The following GPM6A variants were observed in gnomAD, a reference collection of about 807,000 sequenced individuals.
GPM6A encodes the protein glycoprotein M6A, also known as neuronal membrane glycoprotein M6-a.
GPM6A carries 7 observed loss-of-function variants against 32.1 expected under a neutral mutation model. The ratio of observed to expected loss-of-function variants is 0.22; its 90% CI spans 0.12 to 0.41. The LOEUF (loss-of-function observed/expected upper bound fraction) is 0.41, where lower values mean the gene tolerates loss of function less well. GPM6A is among the 10% of genes least tolerant of loss of function. The pLI is 1.00. For missense variants in GPM6A, 235 were observed against 347.2 expected (o/e 0.68, Z 2.57); for synonymous variants, 130 against 123.4 (o/e 1.05, Z -0.35).
intron 1 of GPM6A, among the ~76,000 whole-genome samples, chr4:175,973,923 A>C (rs918868411): frequency 6.6e-6 from 1 of 152,080 alleles, no homozygotes; most frequent in Non-Finnish European, 1.5e-5. Context: ...TTTTGGTTTA[A>C]TAATAATTTG....
At chr4:175,647,606 G>C (rs1034302569) in intron 4 of GPM6A, among the ~76,000 whole-genome samples, 1 of 152,080 alleles carries the variant, frequency 6.6e-6, no homozygotes, top group African/African-American at 2.4e-5. Context: ...GGCCATTATA[G>C]GCTGAGAGTT....
chr4:175,763,361 T>C (rs1018283235), intron 1 of GPM6A, among the ~76,000 whole-genome samples: 1 of 152,168 alleles, frequency 6.6e-6, no homozygotes, highest in East Asian at 1.9e-4. Flanking sequence ...TGAACATCAA[T>C]GAACTCATAA....
At chr4:175,741,060 C>T (rs1024603874) in intron 1 of GPM6A, among the ~76,000 whole-genome samples, 3 of 151,992 alleles carry the variant, frequency 2.0e-5, no homozygotes, top group Non-Finnish European at 4.4e-5. Context: ...TAGATTGTCT[C>T]CTAAGAATCA....
intron 1 of GPM6A, among the ~76,000 whole-genome samples, chr4:175,902,370 A>G (rs1737994848): frequency 6.6e-6 from 1 of 152,218 alleles, no homozygotes; most frequent in South Asian, 2.1e-4. Flanking sequence ...TTCCTAAAAA[A>G]GAGCAGCCTG....
At chr4:175,673,557 A>C (rs1169018846) in intron 3 of GPM6A, 123 bp downstream of exon 3, 1 of 588,060 alleles carries the variant, frequency 1.7e-6, no homozygotes. Context: ...TTAAGATAGC[A>C]TCACAGAAGG....
At chr4:175,887,819 C>T (rs918794573) in intron 1 of GPM6A, among the ~76,000 whole-genome samples, 1 of 151,764 alleles carries the variant, frequency 6.6e-6, no homozygotes, top group African/African-American at 2.4e-5. Context: ...GCCTGAACTG[C>T]ATAATAATAA....
At chr4:175,833,102 T>C (rs1377669605) in intron 1 of GPM6A, among the ~76,000 whole-genome samples, 1 of 152,202 alleles carries the variant, frequency 6.6e-6, no homozygotes, top group Admixed American at 6.5e-5. Context: ...TAAGATTGCT[T>C]TCTCAGAATA....
chr4:175,984,205 C>T (rs1393979529), intron 1 of GPM6A, among the ~76,000 whole-genome samples: 2 of 152,094 alleles, frequency 1.3e-5, no homozygotes, highest in African/African-American at 2.4e-5. Flanking sequence ...CTCTGTCACC[C>T]AAGCTAGAAG....
At chr4:175,684,149 A>G (rs981628153) in intron 2 of GPM6A, among the ~76,000 whole-genome samples, 1 of 152,152 alleles carries the variant, frequency 6.6e-6, no homozygotes, top group Non-Finnish European at 1.5e-5. Context: ...TAATATATAT[A>G]CATTATTCAG....
intron 1 of GPM6A, among the ~76,000 whole-genome samples, chr4:175,863,887 C>A (rs1736648677): frequency 6.6e-6 from 1 of 151,944 alleles, no homozygotes. Flanking sequence ...TGTAATCCCA[C>A]CTATTGGGGA....
intron 1 of GPM6A, among the ~76,000 whole-genome samples, chr4:175,764,816 T>C (rs1732893318): frequency 6.6e-6 from 1 of 150,466 alleles, no homozygotes; most frequent in Non-Finnish European, 1.5e-5. Flanking sequence ...CCTTCTCCTA[T>C]AGCTCCATTC....
chr4:175,644,463 T>A (rs573588177), intron 4 of GPM6A, among the ~76,000 whole-genome samples: 1 of 151,708 alleles, frequency 6.6e-6, no homozygotes, highest in South Asian at 2.1e-4. Flanking sequence ...CACGCACACA[T>A]AAAATAAAGT....
At chr4:175,790,841 GA>G (rs34238351) in intron 1 of GPM6A, among the ~76,000 whole-genome samples, 1 of 151,804 alleles carries the variant, frequency 6.6e-6, no homozygotes, top group Non-Finnish European at 1.5e-5. Context: ...TTTTAGGGAG[GA>G]AAAAAAGAGA....
chr4:175,986,790 T>G (rs1214236143), intron 1 of GPM6A, among the ~76,000 whole-genome samples: 1 of 152,196 alleles, frequency 6.6e-6, no homozygotes, highest in Non-Finnish European at 1.5e-5. Flanking sequence ...CCATCTAACA[T>G]GTCATGCAAG....
intron 1 of GPM6A, among the ~76,000 whole-genome samples, chr4:175,753,239 TA>T (rs1187102489): frequency 6.6e-6 from 1 of 152,124 alleles, no homozygotes; most frequent in Non-Finnish European, 1.5e-5. Flanking sequence ...CTACATAAGC[TA>T]AAAATAATAC....
chr4:175,947,653 T>A (rs1739653460), intron 1 of GPM6A: 1 of 152,170 alleles, frequency 6.6e-6, no homozygotes, highest in Admixed American at 6.6e-5. Context: ...ACCTCATTTG[T>A]TTCTCCAGAT....
chr4:175,634,560 C>A lies in GPM6A; in HGVS notation c.*345G>T. 1 of 178,424 alleles carries A rather than the reference C, an allele frequency of 5.6e-6. No homozygotes were observed. The highest frequency in any genetic ancestry group is 1.2e-5 in the Non-Finnish European group (1 of 85,938). 11.1% of individuals were successfully genotyped at this position (178,424 alleles called of 1,614,324 possible). Reference sequence around the variant, plus strand: ...TCTTTTCAAAACATAAGAAATAATGCAAAAGGTGTTATGTATAACACATGG... The same window carrying A: ...TCTTTTCAAAACATAAGAAATAATGAAAAAGGTGTTATGTATAACACATGG... On this transcript the variant is annotated 3_prime_UTR_variant, in exon 7 of 7. Transcript: ENST00000393658.
chr4:175,887,587 A>G (rs1737502112), intron 1 of GPM6A, among the ~76,000 whole-genome samples: 1 of 152,080 alleles, frequency 6.6e-6, no homozygotes. Flanking sequence ...AGAATACGAG[A>G]AAGAACATTT....
chr4:175,852,700 A>T (rs1736296710), intron 1 of GPM6A, among the ~76,000 whole-genome samples: 1 of 152,190 alleles, frequency 6.6e-6, no homozygotes, highest in Admixed American at 6.6e-5. Context: ...AATAGATAGC[A>T]CTTAATTTCC....
Sources: allele counts gnomAD v4.1 joint callset (sites outside exome capture counted in the v4.1 genomes callset), GRCh38; gene constraint gnomAD v4.1.1; transcripts MANE v1.5; gene names NCBI Gene and HGNC (gene_info 2026-07-23, HGNC 2026-07-21).